Variants in NDUFAF2 observed in about 807,000 individuals in gnomAD.
NDUFAF2 encodes NADH:ubiquinone oxidoreductase complex assembly factor 2, also known as NADH dehydrogenase [ubiquinone] 1 alpha subcomplex assembly factor 2.
NDUFAF2 carries 13 observed loss-of-function variants against 22.8 expected under a neutral mutation model. That is an observed-to-expected ratio of 0.57 (90% CI 0.37 to 0.91). The LOEUF (loss-of-function observed/expected upper bound fraction) is 0.91, where lower values mean the gene tolerates loss of function less well. NDUFAF2 is among the 40% of genes least tolerant of loss of function. The pLI, the probability that NDUFAF2 is intolerant of heterozygous loss-of-function variation, is 0.01. For missense variants in NDUFAF2, 162 were observed against 195.2 expected (o/e 0.83, Z 1.01); for synonymous variants, 53 against 64.2 (o/e 0.83, Z 0.84).
intron 1 of NDUFAF2, among the ~76,000 whole-genome samples, chr5:61,067,717 T>G (rs1035666705): frequency 6.6e-5 from 10 of 152,110 alleles, no homozygotes; most frequent in African/African-American, 2.4e-4. Flanking sequence ...TAGTTCTAGA[T>G]CCCTGAGGAA....
At chr5:61,101,371 AAATGTAC>A (rs1472968790) in intron 3 of NDUFAF2, among the ~76,000 whole-genome samples, 4 of 152,154 alleles carry the variant, frequency 2.6e-5, no homozygotes, top group Non-Finnish European at 4.4e-5. Context: ...TTTTTCACCT[AAATGTAC>A]ATTATAGTTT....
intron 3 of NDUFAF2, among the ~76,000 whole-genome samples, chr5:61,118,796 T>C (rs1752943503): frequency 6.6e-6 from 1 of 152,320 alleles, no homozygotes; most frequent in South Asian, 2.1e-4. Context: ...GCTACTATTA[T>C]TTATGGATAT....
At chr5:61,152,123 A>G (rs1039860194) in intron 3 of NDUFAF2, among the ~76,000 whole-genome samples, 2 of 152,168 alleles carry the variant, frequency 1.3e-5, no homozygotes, top group Admixed American at 6.5e-5. Context: ...TCCAATAGCA[A>G]AGAACCTCTC....
chr5:61,051,010 T>C (rs1489944852), intron 1 of NDUFAF2, among the ~76,000 whole-genome samples: 1 of 152,200 alleles, frequency 6.6e-6, no homozygotes, highest in Non-Finnish European at 1.5e-5. Flanking sequence ...TGGCTTCATT[T>C]ATCTAAAAAA....
At position 61,004,963 on chromosome 5, in the gene NDUFAF2, G is replaced by A. The variant is rs118062283; in HGVS notation, c.127+59581G>A. Among the ~76,000 whole-genome samples the A allele has an allele frequency of 7.7e-4, 117 of 151,866 alleles. No individual in the cohort carries two copies. The East Asian group carries it at 0.019, about 24-fold the overall frequency. On this transcript the variant is annotated intron_variant, in intron 1 of 3. Transcript: ENST00000296597. Reference sequence around the variant, plus strand: ...TATTTTTCTTATTATTATAGTTTAAGTTCTAGGGTACGTGTGCACAATATG... The same window carrying A: ...TATTTTTCTTATTATTATAGTTTAAATTCTAGGGTACGTGTGCACAATATG...
At chr5:61,007,804 A>G (rs1157470189) in intron 1 of NDUFAF2, among the ~76,000 whole-genome samples, 4 of 152,216 alleles carry the variant, frequency 2.6e-5, no homozygotes, top group Non-Finnish European at 5.9e-5. Flanking sequence ...ATTACTGGGT[A>G]TATACCCAAA....
intron 1 of NDUFAF2, among the ~76,000 whole-genome samples, chr5:61,010,561 C>T (rs977817799): frequency 1.3e-5 from 2 of 152,030 alleles, no homozygotes; most frequent in African/African-American, 2.4e-5. Flanking sequence ...ATTTTCTAGA[C>T]TGGGTTAGAA....
intron 2 of NDUFAF2, among the ~76,000 whole-genome samples, chr5:61,078,088 A>G (rs1752391891): frequency 6.6e-6 from 1 of 152,132 alleles, no homozygotes; most frequent in Admixed American, 6.5e-5. Context: ...ACCCCCAGTG[A>G]TAGGTGAGAT....
At chr5:61,039,508 A>C (rs1263233595) in intron 1 of NDUFAF2, among the ~76,000 whole-genome samples, 1 of 152,198 alleles carries the variant, frequency 6.6e-6, no homozygotes, top group African/African-American at 2.4e-5. Context: ...ACTGAATCTC[A>C]ATCAATAGTT....
chr5:61,014,570 A>G (rs1751483119), intron 1 of NDUFAF2, among the ~76,000 whole-genome samples: 1 of 152,118 alleles, frequency 6.6e-6, no homozygotes, highest in Non-Finnish European at 1.5e-5. Flanking sequence ...ACAGATGGCA[A>G]CCTGGGACTT....
At chr5:61,085,257 A>G (rs73759471) in intron 2 of NDUFAF2, among the ~76,000 whole-genome samples, 1 of 152,148 alleles carries the variant, frequency 6.6e-6, no homozygotes, top group Admixed American at 6.6e-5. Context: ...TTGAAAATCC[A>G]TTTATATTCA....
chr5:61,130,740 G>C (rs1237199978), intron 3 of NDUFAF2, among the ~76,000 whole-genome samples: 1 of 152,094 alleles, frequency 6.6e-6, no homozygotes, highest in Non-Finnish European at 1.5e-5. Context: ...CAAAAAGGAA[G>C]ACTCTAAAAT....
chr5:61,086,585 T>G (rs982172307), intron 2 of NDUFAF2, among the ~76,000 whole-genome samples: 1 of 152,104 alleles, frequency 6.6e-6, no homozygotes, highest in African/African-American at 2.4e-5. Context: ...GGAAAAAATA[T>G]AAACCTTGAA....
intron 1 of NDUFAF2, among the ~76,000 whole-genome samples, chr5:60,974,837 A>T (rs1365283555): frequency 6.6e-6 from 1 of 152,056 alleles, no homozygotes; most frequent in African/African-American, 2.4e-5. Flanking sequence ...TTATTTTGAG[A>T]CAGGGTCTCA....
chr5:61,099,236 A>G (rs1159035212), intron 3 of NDUFAF2, among the ~76,000 whole-genome samples: 1 of 150,946 alleles, frequency 6.6e-6, no homozygotes. Context: ...CATATTATGG[A>G]ATATAACAAA....
At chr5:61,127,048 A>T (rs1753045617) in intron 3 of NDUFAF2, among the ~76,000 whole-genome samples, 1 of 152,178 alleles carries the variant, frequency 6.6e-6, no homozygotes, top group Non-Finnish European at 1.5e-5. Context: ...GAAATGGATA[A>T]ATGCCTCAAC....
chr5:61,004,194 T>C (rs547273952), intron 1 of NDUFAF2, among the ~76,000 whole-genome samples: 1 of 152,114 alleles, frequency 6.6e-6, no homozygotes, highest in Admixed American at 6.6e-5. Flanking sequence ...TTATTTGTTT[T>C]TATTTTTTCT....
chr5:61,045,314 A>T (rs927790778), intron 1 of NDUFAF2, among the ~76,000 whole-genome samples: 3 of 147,878 alleles, frequency 2.0e-5, no homozygotes, highest in Admixed American at 6.7e-5. Context: ...ATAAAATAAA[A>T]TTTTATTAAA....
chr5:61,065,724 G>A (rs1054475759), intron 1 of NDUFAF2, among the ~76,000 whole-genome samples: 2 of 152,006 alleles, frequency 1.3e-5, no homozygotes, highest in Non-Finnish European at 2.9e-5. Flanking sequence ...TATTAAAAAC[G>A]CACAGTTAAC....
Sources: gnomAD v4.1 joint callset for allele counts (sites outside exome capture counted in the v4.1 genomes callset) on GRCh38, gnomAD v4.1.1 for gene constraint, MANE v1.5 for transcripts, NCBI Gene and HGNC (gene_info 2026-07-23, HGNC 2026-07-21) for gene names.